AP5Z1: variants seen among roughly 807,000 people sequenced by gnomAD.
AP5Z1 encodes AP-5 complex subunit zeta-1.
A neutral mutation model predicts 83.0 loss-of-function variants in AP5Z1; 106 were observed. The ratio of observed to expected loss-of-function variants is 1.28; its 90% CI spans 1.09 to 1.50. AP5Z1 has a LOEUF of 1.50. Among genes scored for constraint, AP5Z1 ranks in the 40% most tolerant of loss-of-function variants. AP5Z1 has a pLI of 0.00. For synonymous variants in AP5Z1, 751 were observed against 514.1 expected, an observed-to-expected ratio of 1.46 and a Z score of -6.23; for missense variants, 1,565 against 1,094.2, an observed-to-expected ratio of 1.43 and a Z score of -6.07.
Position 4,791,321 on chromosome 7 carries a change from TG to T in AP5Z1, c.2361del (p.Leu789TrpfsTer31). ...PRYHRDANTA[L>X]PLALRTVSRL... is the part of the protein sequence containing the mutation. ...TATCACCGCGATGCCAACACGGCCC[TG>T]CCCCTGGCCCTGCGCACGGTCAGCC... On this transcript the variant is annotated frameshift_variant, in exon 17 of 17. Coordinates refer to ENST00000649063, the MANE Select transcript of AP5Z1 (RefSeq NM_014855.3). LOFTEE classifies it high-confidence loss of function. The T allele has an allele frequency of 6.2e-7, 1 of 1,610,626 alleles. No individual in the cohort carries two copies. Among genetic ancestry groups the T allele is most frequent in the Non-Finnish European group, 8.5e-7 (1 of 1,178,434 alleles).
At chr7:4,789,511 G>T (rs2115124608) in intron 13 of AP5Z1, among the ~76,000 whole-genome samples, 1 of 152,370 alleles carries the variant, frequency 6.6e-6, no homozygotes, top group Admixed American at 6.5e-5. Flanking sequence ...AGGTGGGGAG[G>T]CCGGCAGGGG....
Position 4,790,853 on chromosome 7 carries a change from A to G in AP5Z1, c.2119A>G (p.Lys707Glu), listed in dbSNP as rs1554258968. 6.2e-7 allele frequency: 1 copy of G among 1,607,946 alleles called. No homozygotes were observed. Among genetic ancestry groups the G allele is most frequent in the Non-Finnish European group, 8.5e-7 (1 of 1,178,240 alleles). The change falls in exon 16 of 17, where the codon AAG becomes GAG. Residue 707 changes from lysine to glutamate, a missense_variant. Coordinates refer to ENST00000649063, the MANE Select transcript of AP5Z1 (RefSeq NM_014855.3). ...VVTVLMTTLT[K>E]LASRSQDLIP... ...CACCGTGCTGATGACCACGCTGACG[A>G]AGCTGGCCTCCCGGAGCCAAGATCT...
Position 4,791,180 on chromosome 7 carries a change from G to A in AP5Z1, c.2219G>A (p.Ser740Asn), listed in dbSNP as rs779174690. ...AGTCCAGCCACCAGCTCCACGCACA[G>A]CGAGGAGGGCGCGGAAGCCATCCGT... ...AHSPATSSTH[S>N]EEGAEAIRTR... Residue 740 changes from serine (S) to asparagine (N), a missense_variant, in exon 17 of 17, where the codon AGC becomes AAC. By Grantham distance (46) the Ser-to-Asn change is conservative. Coordinates refer to ENST00000649063, the MANE Select transcript of AP5Z1 (RefSeq NM_014855.3). The A allele has an allele frequency of 1.3e-5, 21 of 1,611,536 alleles. No homozygotes were observed. Among genetic ancestry groups the A allele is most frequent in the Non-Finnish European group, 1.6e-5 (19 of 1,179,648 alleles).
chr7:4,788,898 TGTGCCCAGGCC>T lies in AP5Z1; in HGVS notation c.1662_1672del (p.Gln554HisfsTer15), dbSNP rs758531181. On this transcript the variant is annotated frameshift_variant, in exon 13 of 17. Transcript: ENST00000649063. LOFTEE classifies it high-confidence loss of function. ...GGCCGGCTGTGCCCGCGTGGCCCAGTGTGCCCAGGCCGTGCCCACGCTGCTGCAGGCATTCT... is the reference window on the plus strand; with the variant it reads ...GGCCGGCTGTGCCCGCGTGGCCCAGTGTGCCCACGCTGCTGCAGGCATTCT... 2.5e-6 allele frequency: 4 copies of T among 1,611,124 alleles called. No individual in the cohort carries two copies. Among genetic ancestry groups the T allele is most frequent in the South Asian group, 2.2e-5 (2 of 91,016 alleles).
At chr7:4,785,088 G>C in intron 7 of AP5Z1, 40 bp downstream of exon 7, 2 of 1,556,304 alleles carry the variant, frequency 1.3e-6, no homozygotes, top group Non-Finnish European at 1.7e-6. Flanking sequence ...CCCAGGGCTC[G>C]ACGCACCTGC....
intron 1 of AP5Z1, among the ~76,000 whole-genome samples, chr7:4,777,156 A>T (rs949342952): frequency 9.9e-5 from 15 of 151,388 alleles, no homozygotes; most frequent in African/African-American, 3.6e-4. Flanking sequence ...CTTCCCTTCA[A>T]TCCTGGACAG....
At position 4,792,114 on chromosome 7, in the gene AP5Z1, G is replaced by A. The variant is rs977283954; in HGVS notation, c.*729G>A. On this transcript the variant is annotated 3_prime_UTR_variant, in exon 17 of 17. Transcript: ENST00000649063. ...CACCTGAGTGGAGCTCAGAACACTGGATTCGCGCGAAGGGGAGGTGTCTGG... is the reference window on the plus strand; with the variant it reads ...CACCTGAGTGGAGCTCAGAACACTGAATTCGCGCGAAGGGGAGGTGTCTGG... 1 of 152,304 alleles carries A rather than the reference G, an allele frequency of 6.6e-6. No individual in the cohort carries two copies. The highest frequency in any genetic ancestry group is 1.9e-4 in the East Asian group (1 of 5,178). The allele number at this position is 152,304 out of a possible 1,614,324, so 9.4% of individuals were successfully genotyped here. A position where few individuals can be genotyped will look rare whatever the true frequency, so the allele number is the denominator to read the frequency against.
In AP5Z1 at chr7:4,790,550, G is replaced by C; in HGVS notation, c.1897G>C (p.Val633Leu). The change falls in exon 15 of 17, where the codon GTG becomes CTG. Residue 633 changes from valine (V) to leucine (L), a missense_variant. Coordinates refer to ENST00000649063, the MANE Select transcript of AP5Z1 (RefSeq NM_014855.3). ...ARDLLEFLGS[V>L]NGLCSRASLV... ...AGACCTGCTGGAGTTCCTGGGCAGC[G>C]TGAATGGTCTCTGCAGCAGGGCGAG... 1 of 1,613,126 alleles carries C rather than the reference G, an allele frequency of 6.2e-7. No homozygotes were observed. The highest frequency in any genetic ancestry group is 2.2e-5 in the East Asian group (1 of 44,870).
chr7:4,781,849 C>T (rs1781391686), intron 3 of AP5Z1, 95 bp downstream of exon 3: 4 of 1,378,334 alleles, frequency 2.9e-6, no homozygotes, highest in East Asian at 2.5e-5. Context: ...CGGCAGGTGG[C>T]TGCTTGTTGT....
Position 4,788,172 on chromosome 7 carries a change from C to T in AP5Z1, c.1473C>T (p.Ser491=), listed in dbSNP as rs370135619. Residue 491 remains serine (S), a synonymous_variant, in exon 12 of 17, where the codon TCC becomes TCT. Transcript: ENST00000649063. ...DLQLRSAPAA[S]ERPLWDTSLR... is the part of the protein sequence containing the mutation. ...CACGCAGGTCAGCACCGGCTGCATC[C>T]GAGAGGCCACTCTGGGACACCTCTC... 7.1e-5 allele frequency: 110 copies of T among 1,555,076 alleles called. No homozygotes were observed. The highest frequency in any genetic ancestry group is 4.3e-4 in the Middle Eastern group (2 of 4,662).
chr7:4,781,449 C>G (rs1003668263), intron 2 of AP5Z1, 119 bp from the exon 3 acceptor site: 2 of 1,534,836 alleles, frequency 1.3e-6, no homozygotes, highest in East Asian at 4.7e-5. Context: ...AAGGTCCATC[C>G]TCATGTAAAA....
At chr7:4,790,290 C>T in intron 14 of AP5Z1, 169 bp from the exon 15 acceptor site, 1 of 1,544,654 alleles carries the variant, frequency 6.5e-7, no homozygotes. Flanking sequence ...GCCTTCTCCC[C>T]AGTGAGAACA....
chr7:4,788,681 G>A (rs1177444753), intron 12 of AP5Z1, 159 bp from the exon 13 acceptor site: 1 of 632,250 alleles, frequency 1.6e-6, no homozygotes, highest in Non-Finnish European at 2.6e-6. Context: ...CTGACGCCAG[G>A]GGTCTCCCCA....
At chr7:4,781,811 G>C (rs1781390697) in intron 3 of AP5Z1, 57 bp downstream of exon 3, 1 of 1,470,164 alleles carries the variant, frequency 6.8e-7, no homozygotes, top group Admixed American at 2.3e-5. Context: ...CAAGGAACAG[G>C]GGAGACAGGA....
In AP5Z1 at chr7:4,787,621, G is replaced by T. The variant is rs1453929302; in HGVS notation, c.1312-13G>T. On this transcript the variant is annotated splice_polypyrimidine_tract_variant and intron_variant, in intron 10 of 16. Coordinates refer to ENST00000649063, the MANE Select transcript of AP5Z1 (RefSeq NM_014855.3). Reference sequence around the variant, plus strand: ...CTCCGAGCCGTGTCCGAACCGCTGTGCTGTGCCCACAGTTCCTGGCCTGGA... The same window carrying T: ...CTCCGAGCCGTGTCCGAACCGCTGTTCTGTGCCCACAGTTCCTGGCCTGGA... 1 of 1,549,330 alleles carries T rather than the reference G, an allele frequency of 6.5e-7. No homozygotes were observed. Among genetic ancestry groups the T allele is most frequent in the East Asian group, 2.4e-5 (1 of 41,030 alleles).
At position 4,790,900 on chromosome 7, in the gene AP5Z1, G is replaced by T. The variant is rs767190951; in HGVS notation, c.2153+13G>T. On this transcript the variant is annotated intron_variant, in intron 16 of 16. Transcript: ENST00000649063. ...ATCTGATCCCCAGGTGCCTGGTCAG[G>T]GAGGGAGCGAAGCCTTCTGGCTCCT... 1 of 1,585,238 alleles carries T rather than the reference G, an allele frequency of 6.3e-7. No homozygotes were observed. Among genetic ancestry groups the T allele is most frequent in the Admixed American group, 1.8e-5 (1 of 56,686 alleles).
At chr7:4,788,741 G>A (rs748436452) in intron 12 of AP5Z1, 99 bp from the exon 13 acceptor site, 41 of 1,056,778 alleles carry the variant, frequency 3.9e-5, no homozygotes, top group Middle Eastern at 2.2e-4. Context: ...GGATGGGAGC[G>A]GGCTCAGCTG....
chr7:4,787,838 C>T (rs960719498), intron 11 of AP5Z1, 62 bp downstream of exon 11: 4 of 1,477,146 alleles, frequency 2.7e-6, no homozygotes, highest in Non-Finnish European at 3.6e-6. Flanking sequence ...CACACTGGGC[C>T]CCCTCCTCGC....
intron 12 of AP5Z1, 149 bp downstream of exon 12, chr7:4,788,443 G>A: frequency 4.8e-6 from 5 of 1,037,180 alleles, no homozygotes; most frequent in Non-Finnish European, 6.7e-6. Context: ...CATTATAGAG[G>A]CCCTGCTTCT....
Sources: gnomAD v4.1 joint callset for allele counts (sites outside exome capture counted in the v4.1 genomes callset) on GRCh38, gnomAD v4.1.1 for gene constraint, MANE v1.5 for transcripts, NCBI Gene and HGNC (gene_info 2026-07-23, HGNC 2026-07-21) for gene names.